AKT3: variants seen among roughly 807,000 people sequenced by gnomAD.
The protein encoded by AKT3 is AKT serine/threonine kinase 3, also known as RAC-gamma serine/threonine-protein kinase.
Under a neutral mutation model 65.3 loss-of-function variants are expected in AKT3, and 15 were observed. The observed-to-expected ratio is 0.23, with a 90% CI of 0.15 to 0.35. AKT3 has a LOEUF of 0.35. AKT3 is among the 10% of genes least tolerant of loss of function. AKT3 has a pLI of 1.00. For missense variants in AKT3, 243 were observed against 576.5 expected (o/e 0.42, Z 5.92); for synonymous variants, 206 against 183.8 (o/e 1.12, Z -0.98).
intron 9 of AKT3, among the ~76,000 whole-genome samples, chr1:243,564,223 T>C (rs995326872): frequency 3.3e-5 from 5 of 152,188 alleles, no homozygotes; most frequent in African/African-American, 1.2e-4. Context: ...CTTCTAGATA[T>C]ATACAGATGG....
At chr1:243,726,783 G>A (rs1039153999) in intron 2 of AKT3, among the ~76,000 whole-genome samples, 1 of 151,110 alleles carries the variant, frequency 6.6e-6, no homozygotes, top group Non-Finnish European at 1.5e-5. Flanking sequence ...TTGCAAGCCA[G>A]GGCATCCTCA....
rs575189176 is a variant in AKT3 at position 243,806,078 on chromosome 1, T to C, written c.46+37047A>G. ...TGCCTAGAACACCCTTCTTCCCTTC[T>C]CACCCAAAAAAATTCCTATCAGTCT... is the stretch of plus-strand genomic sequence containing the variant. On this transcript the variant is annotated intron_variant, in intron 2 of 13. Coordinates refer to ENST00000673466, the MANE Select transcript of AKT3 (RefSeq NM_005465.7). Among the ~76,000 whole-genome samples the C allele has an allele frequency of 2.6e-5, 4 of 152,200 alleles. 1 individual carries two copies. The South Asian group carries it at 8.3e-4, about 32-fold the overall frequency.
intron 2 of AKT3, among the ~76,000 whole-genome samples, chr1:243,799,859 A>T (rs1232000078): frequency 6.6e-6 from 1 of 152,224 alleles, no homozygotes; most frequent in African/African-American, 2.4e-5. Context: ...AAGGAAAACT[A>T]TCTAGCACTT....
At chr1:243,567,284 C>CA (rs1345036872) in intron 9 of AKT3, among the ~76,000 whole-genome samples, 1 of 151,508 alleles carries the variant, frequency 6.6e-6, no homozygotes, top group Non-Finnish European at 1.5e-5. Context: ...AATCCTGTCT[C>CA]AAAAAAACAA....
rs370563834 is a variant in AKT3, at chr1:243,501,448, A to G, written c.*3801T>C. The G allele has an allele frequency of 8.6e-6, 2 of 233,206 alleles. No individual in the cohort carries two copies. The highest frequency in any genetic ancestry group is 1.2e-4 in the East Asian group (2 of 16,564). The allele number at this position is 233,206 out of a possible 1,614,324, so 14.4% of individuals were successfully genotyped here. On this transcript the variant is annotated 3_prime_UTR_variant, in exon 14 of 14. Coordinates refer to ENST00000673466, the MANE Select transcript of AKT3 (RefSeq NM_005465.7). ...AGATGATTCGGGTCTGAATGTCCCC[A>G]GGGTCTGAGACCTCCTTCATCCCTG...
intron 2 of AKT3, among the ~76,000 whole-genome samples, chr1:243,788,540 C>T (rs1173427739): frequency 6.6e-6 from 1 of 152,184 alleles, no homozygotes; most frequent in Admixed American, 6.5e-5. Flanking sequence ...CACACATTAT[C>T]CTGTATACAG....
Position 243,796,882 on chromosome 1 carries a change from C to T in AKT3, c.46+46243G>A, listed in dbSNP as rs916341646. Reference sequence around the variant, plus strand: ...CGCTAAGTGAAATAAGCCAGTCACACAAATACTGTACGATCCACTTACATG... The same window carrying T: ...CGCTAAGTGAAATAAGCCAGTCACATAAATACTGTACGATCCACTTACATG... On this transcript the variant is annotated intron_variant, in intron 2 of 13. Coordinates refer to ENST00000673466, the MANE Select transcript of AKT3 (RefSeq NM_005465.7). 2.0e-5 allele frequency among the ~76,000 whole-genome samples: 3 copies of T among 152,036 alleles called. No homozygotes were observed. In the East Asian group the frequency reaches 5.8e-4, roughly 29 times the overall value.
At position 243,572,924 on chromosome 1, in the gene AKT3, A is replaced by C. The variant is rs1481058473; in HGVS notation, c.819+2T>G. On this transcript the variant is annotated splice_donor_variant, in intron 9 of 13. Transcript: ENST00000673466. LOFTEE classifies it high-confidence loss of function. ...TTTTGATTACTTTTTTTTTTTTTTTACCTTGAGATCACGGTACACAATCTT... is the reference window on the plus strand; with the variant it reads ...TTTTGATTACTTTTTTTTTTTTTTTCCCTTGAGATCACGGTACACAATCTT... The C allele has an allele frequency of 1.3e-6, 2 of 1,527,828 alleles. No individual in the cohort carries two copies. The highest frequency in any genetic ancestry group is 2.1e-5 in the Admixed American group (1 of 47,804). 94.6% of individuals were successfully genotyped at this position (1,527,828 alleles called of 1,614,324 possible).
At chr1:243,618,871 G>A (rs545417553) in intron 6 of AKT3, among the ~76,000 whole-genome samples, 48 of 129,066 alleles carry the variant, frequency 3.7e-4, no homozygotes, top group African/African-American at 1.1e-3. Flanking sequence ...ATGAGGTGTA[G>A]GAGAGGGCAA....
intron 2 of AKT3, among the ~76,000 whole-genome samples, chr1:243,700,294 G>C (rs547635837): frequency 6.6e-6 from 1 of 152,264 alleles, no homozygotes; most frequent in African/African-American, 2.4e-5. Flanking sequence ...GAGGGTGGAA[G>C]AAACTGTTTG....
At chr1:243,541,808 T>C (rs1672339771) in intron 12 of AKT3, among the ~76,000 whole-genome samples, 1 of 152,048 alleles carries the variant, frequency 6.6e-6, no homozygotes, top group South Asian at 2.1e-4. Flanking sequence ...TTGTAAGTAA[T>C]CTACAAAAAA....
intron 10 of AKT3, among the ~76,000 whole-genome samples, chr1:243,558,438 GA>G (rs1317207175): frequency 6.6e-6 from 1 of 151,864 alleles, no homozygotes; most frequent in Non-Finnish European, 1.5e-5. Context: ...AGGTTTCAAA[GA>G]AAAAATCAGG....
Position 243,567,816 on chromosome 1 carries a change from T to C in AKT3, c.820-3968A>G, listed in dbSNP as rs1427634413. 2.0e-5 allele frequency among the ~76,000 whole-genome samples: 3 copies of C among 152,154 alleles called. No homozygotes were observed. The East Asian group carries it at 5.8e-4, about 29-fold the overall frequency. On this transcript the variant is annotated intron_variant, in intron 9 of 13. Coordinates refer to ENST00000673466, the MANE Select transcript of AKT3 (RefSeq NM_005465.7). ...AAAGATAAATCAGGAGATAATAAAA[T>C]GTACAGTTCTGTTATACAATACATG...
In AKT3 at chr1:243,645,949, T is replaced by G; in HGVS notation, c.373A>C (p.Ile125Leu). 2.5e-6 allele frequency: 4 copies of G among 1,612,756 alleles called. No homozygotes were observed. The highest frequency in any genetic ancestry group is 3.4e-6 in the Non-Finnish European group (4 of 1,178,902). The change falls in exon 5 of 14, where the codon ATT becomes CTT. Residue 125 changes from isoleucine to leucine, a missense_variant. Around this residue, in one of 6 missense-constraint regions of AKT3, gnomAD observed 72 missense variants for 86.0 expected, o/e 0.84. Transcript: ENST00000673466. ...ATCTCTTCCTCTCCTATATTATCAATTTGTGAAGTTGGACTACAATTCATT... is the reference window on the plus strand; with the variant it reads ...ATCTCTTCCTCTCCTATATTATCAAGTTGTGAAGTTGGACTACAATTCATT... The part of the protein sequence containing the change: ...ERMNCSPTSQ[I>L]DNIGEEEMDA...
At chr1:243,775,677 A>G (rs1210827617) in intron 2 of AKT3, among the ~76,000 whole-genome samples, 1 of 152,206 alleles carries the variant, frequency 6.6e-6, no homozygotes, top group African/African-American at 2.4e-5. Context: ...TAACTTAGAG[A>G]AGAAAAAGTC....
chr1:243,530,824 A>C (rs1457017901), intron 12 of AKT3, among the ~76,000 whole-genome samples: 2 of 152,192 alleles, frequency 1.3e-5, no homozygotes, highest in East Asian at 3.9e-4. Flanking sequence ...AGAAATGACA[A>C]AGGGGTCATT....
chr1:243,742,452 C>G (rs1168681184), intron 2 of AKT3, among the ~76,000 whole-genome samples: 1 of 152,088 alleles, frequency 6.6e-6, no homozygotes, highest in Non-Finnish European at 1.5e-5. Flanking sequence ...TGGCGAAACC[C>G]CGTCGCTACT....
At chr1:243,805,093 T>C (rs1692642517) in intron 2 of AKT3, among the ~76,000 whole-genome samples, 1 of 152,142 alleles carries the variant, frequency 6.6e-6, no homozygotes. Context: ...ACTCCCGGGA[T>C]ACATAAATAG....
chr1:243,642,503 G>C (rs984670622), intron 5 of AKT3, among the ~76,000 whole-genome samples: 1 of 152,114 alleles, frequency 6.6e-6, no homozygotes, highest in African/African-American at 2.4e-5. Context: ...TAGAGACGGG[G>C]TTTCACCGTG....
Sources: allele counts gnomAD v4.1 joint callset (sites outside exome capture counted in the v4.1 genomes callset), GRCh38; gene constraint gnomAD v4.1.1; regional missense constraint gnomAD v4.1.1; transcripts MANE v1.5; gene names NCBI Gene and HGNC (gene_info 2026-07-23, HGNC 2026-07-21).